Variants in LONRF1 observed in about 807,000 individuals in gnomAD.
LONRF1 encodes the protein LON peptidase N-terminal domain and RING finger protein 1.
LONRF1 carries 37 observed loss-of-function variants against 85.8 expected under a neutral mutation model. The ratio of observed to expected loss-of-function variants is 0.43; its 90% confidence interval spans 0.33 to 0.57. The LOEUF is 0.57. LONRF1 is among the 20% of genes least tolerant of loss of function. The pLI is 0.04. For missense variants in LONRF1, 1,036 were observed against 978.0 expected, an observed-to-expected ratio of 1.06 and a Z score of -0.79; for synonymous variants, 517 against 390.1, an observed-to-expected ratio of 1.33 and a Z score of -3.83.
chr8:12,753,547 C>T (rs1390517091), intron 1 of LONRF1: 1 of 152,240 alleles, frequency 6.6e-6, no homozygotes, highest in Non-Finnish European at 1.5e-5. Flanking sequence ...ACCCCAGCCT[C>T]TCCCACTAGA....
chr8:12,732,906 A>G (rs1218109122), intron 7 of LONRF1, among the ~76,000 whole-genome samples: 2 of 152,236 alleles, frequency 1.3e-5, no homozygotes, highest in Non-Finnish European at 1.5e-5. Flanking sequence ...CACAAGATGA[A>G]GCCATCCTTG....
At chr8:12,733,685 C>G (rs1798614369) in intron 7 of LONRF1, among the ~76,000 whole-genome samples, 1 of 151,994 alleles carries the variant, frequency 6.6e-6, no homozygotes, top group African/African-American at 2.4e-5. Context: ...AAAAAGAGAA[C>G]AAGAAACCTT....
At position 12,722,042 on chromosome 8, in the gene LONRF1, G is replaced by C. The variant is rs1805903611; in HGVS notation, c.*1054C>G. 6.6e-6 allele frequency: 1 copy of C among 152,404 alleles called. No homozygotes were observed. The highest frequency in any genetic ancestry group is 1.5e-5 in the Non-Finnish European group (1 of 68,002). 9.4% of individuals were successfully genotyped at this position (152,404 alleles called of 1,614,324 possible). A position where few individuals can be genotyped will look rare whatever the true frequency, so the allele number is the denominator to read the frequency against. ...CAACAAATAATTACAAAAGTTTCTAGGGCAGCATGAATATAAACCATGTTG... is the reference window on the plus strand; with the variant it reads ...CAACAAATAATTACAAAAGTTTCTACGGCAGCATGAATATAAACCATGTTG... On this transcript the variant is annotated 3_prime_UTR_variant, in exon 12 of 12. Transcript: ENST00000398246.
At chr8:12,734,650 G>A (rs1265111529) in intron 7 of LONRF1, among the ~76,000 whole-genome samples, 1 of 152,122 alleles carries the variant, frequency 6.6e-6, no homozygotes, top group East Asian at 1.9e-4. Flanking sequence ...ACAAGAAGGG[G>A]AATAGGAAGC....
At chr8:12,731,277 G>T (rs974653534) in intron 8 of LONRF1, among the ~76,000 whole-genome samples, 4 of 152,018 alleles carry the variant, frequency 2.6e-5, no homozygotes, top group Admixed American at 6.5e-5. Context: ...ATTTGGCCCT[G>T]AACACCCCTC....
intron 2 of LONRF1, among the ~76,000 whole-genome samples, chr8:12,742,360 T>G (rs1253300987): frequency 6.6e-6 from 1 of 152,222 alleles, no homozygotes; most frequent in African/African-American, 2.4e-5. Flanking sequence ...GCCTTGACAA[T>G]TTGATAAAAA....
intron 10 of LONRF1, among the ~76,000 whole-genome samples, chr8:12,728,278 A>G (rs932655826): frequency 6.6e-6 from 1 of 152,188 alleles, no homozygotes; most frequent in Non-Finnish European, 1.5e-5. Context: ...CATTAACCCT[A>G]TTCTAGAAAG....
rs1390629994 is a variant in LONRF1, at chr8:12,723,102, A to T, written c.2316T>A (p.Ser772=). The change falls in exon 12 of 12, where the codon TCT becomes TCA. Residue 772 remains serine (S), a synonymous_variant. Transcript: ENST00000398246. ...HILTYFSRDQ[S]K ...GGGAGATCCAAAGAGTTAGTTACTT[A>T]GATTGGTCTCTAGAAAAATAGGTCA... 2 of 1,610,408 alleles carry T rather than the reference A, an allele frequency of 1.2e-6. No homozygotes were observed. Among genetic ancestry groups the T allele is most frequent in the Non-Finnish European group, 8.5e-7 (1 of 1,178,348 alleles).
chr8:12,747,049 T>C (rs557759288), intron 1 of LONRF1, among the ~76,000 whole-genome samples: 10 of 152,356 alleles, frequency 6.6e-5, no homozygotes, highest in African/African-American at 1.9e-4. Context: ...TCCTGCCTTT[T>C]ATCCTCAGAT....
At chr8:12,735,925 T>A (rs562660410) in intron 6 of LONRF1, among the ~76,000 whole-genome samples, 41 of 152,334 alleles carry the variant, frequency 2.7e-4, no homozygotes, top group Non-Finnish European at 5.4e-4. Context: ...TGAATCCTAA[T>A]GTTAGACTTA....
chr8:12,747,678 A>C (rs1799216551), intron 1 of LONRF1, among the ~76,000 whole-genome samples: 1 of 152,186 alleles, frequency 6.6e-6, no homozygotes. Flanking sequence ...GGTTGTTTTA[A>C]AGTTGAAAAC....
Position 12,729,033 on chromosome 8 carries a change from A to T in LONRF1, c.1878T>A (p.Ile626=). The change falls in exon 10 of 12, where the codon ATT becomes ATA. Residue 626 remains isoleucine (I), a synonymous_variant. Transcript: ENST00000398246. Reference sequence around the variant, plus strand: ...CGTCCGGTAAGAAATGCACGTTTCTAATTTGTAACATACAACCATAATCTG... The same window carrying T: ...CGTCCGGTAAGAAATGCACGTTTCTTATTTGTAACATACAACCATAATCTG... ...SFADYGCMLQ[I]RNVHFLPDGR... The T allele has an allele frequency of 6.2e-7, 1 of 1,614,058 alleles. No homozygotes were observed. Among genetic ancestry groups the T allele is most frequent in the Non-Finnish European group, 8.5e-7 (1 of 1,179,918 alleles).
At chr8:12,740,461 G>T (rs1798887550) in intron 3 of LONRF1, among the ~76,000 whole-genome samples, 1 of 152,016 alleles carries the variant, frequency 6.6e-6, no homozygotes, top group Non-Finnish European at 1.5e-5. Context: ...ATGGAGTATT[G>T]AAAAAACTAA....
intron 10 of LONRF1, 129 bp from the exon 11 acceptor site, chr8:12,726,008 A>T (rs182196897): frequency 3.2e-5 from 25 of 769,600 alleles, no homozygotes; most frequent in Non-Finnish European, 4.5e-5. Flanking sequence ...GACGTCCCAG[A>T]GAGTATTATT....
chr8:12,746,262 A>C (rs984973810), intron 1 of LONRF1, among the ~76,000 whole-genome samples: 7 of 152,158 alleles, frequency 4.6e-5, no homozygotes, highest in African/African-American at 1.7e-4. Flanking sequence ...GGTATTATTT[A>C]GTACAAGTTC....
rs555688413 is a variant in LONRF1, at chr8:12,732,801, A to G, written c.1567-944T>C. ...AATTGCTTAGGGTAGGGCCAGGGAC[A>G]TGGTCAGGGTGTATGCACAGAACTT... On this transcript the variant is annotated intron_variant, in intron 7 of 11. Coordinates refer to ENST00000398246, the MANE Select transcript of LONRF1 (RefSeq NM_152271.5). Among the ~76,000 whole-genome samples, 3 of 152,336 alleles carry G rather than the reference A, an allele frequency of 2.0e-5. No individual in the cohort carries two copies. In the East Asian group the frequency reaches 5.8e-4, roughly 29 times the overall value.
intron 3 of LONRF1, among the ~76,000 whole-genome samples, chr8:12,739,456 T>C (rs1462834290): frequency 6.6e-6 from 1 of 151,822 alleles, no homozygotes; most frequent in Non-Finnish European, 1.5e-5. Context: ...ATCTGAACAG[T>C]AGTTGCCTCT....
intron 8 of LONRF1, among the ~76,000 whole-genome samples, chr8:12,730,993 A>G (rs1320770039): frequency 6.6e-6 from 1 of 152,250 alleles, no homozygotes; most frequent in Non-Finnish European, 1.5e-5. Flanking sequence ...AGTAAAAGAA[A>G]TAAAGAAATT....
chr8:12,744,502 A>T (rs1029586054), intron 1 of LONRF1, among the ~76,000 whole-genome samples: 3 of 152,218 alleles, frequency 2.0e-5, no homozygotes, highest in African/African-American at 7.2e-5. Context: ...CAATATGATT[A>T]ATCAATCAAG....
Sources: allele counts gnomAD v4.1 joint callset (sites outside exome capture counted in the v4.1 genomes callset), GRCh38; gene constraint gnomAD v4.1.1; transcripts MANE v1.5; gene names NCBI Gene and HGNC (gene_info 2026-07-23, HGNC 2026-07-21).